The following KCNIP1 variants were observed in gnomAD, a reference collection of about 807,000 sequenced individuals.
The protein encoded by KCNIP1 is A-type potassium channel modulatory protein KCNIP1.
Under a neutral mutation model 33.0 loss-of-function variants are expected in KCNIP1, and 18 were observed. That is an observed-to-expected ratio of 0.55 (90% CI 0.38 to 0.81). The LOEUF is 0.81. Ranked by LOEUF, KCNIP1 falls within the 30% of genes least tolerant of loss-of-function variation. The probability of loss-of-function intolerance (pLI) is 0.00; values close to 1 mark genes in which losing one functional copy is unlikely to be tolerated. For missense variants in KCNIP1, 238 were observed against 271.6 expected, an observed-to-expected ratio of 0.88 and a Z score of 0.87; for synonymous variants, 93 against 98.3, an observed-to-expected ratio of 0.95 and a Z score of 0.32.
intron 1 of KCNIP1, among the ~76,000 whole-genome samples, chr5:170,419,692 T>C (rs1274277903): frequency 6.6e-6 from 1 of 152,206 alleles, no homozygotes; most frequent in Non-Finnish European, 1.5e-5. Flanking sequence ...GTATAATTCA[T>C]TGCTTTAACT....
chr5:170,687,169 A>T (rs753885608), intron 1 of KCNIP1, among the ~76,000 whole-genome samples: 8 of 150,322 alleles, frequency 5.3e-5, no homozygotes, highest in Non-Finnish European at 1.0e-4. Context: ...TTTTATGTGT[A>T]AAAAAACCTG....
At chr5:170,393,736 A>G (rs1244317461) in intron 1 of KCNIP1, among the ~76,000 whole-genome samples, 7 of 152,144 alleles carry the variant, frequency 4.6e-5, no homozygotes, top group African/African-American at 1.2e-4. Flanking sequence ...AAACATGGTA[A>G]AGTTGTTCCC....
At position 170,718,750 on chromosome 5, in the gene KCNIP1, G is replaced by A; in HGVS notation, c.62-8G>A. On this transcript the variant is annotated splice_polypyrimidine_tract_variant and splice_region_variant and intron_variant, in intron 1 of 7. Transcript: ENST00000328939. ...CAACCATTCCAATGCCATCTCCTCTGGTTCCAGATAAGATTGAAGATGAGC... is the reference window on the plus strand; with the variant it reads ...CAACCATTCCAATGCCATCTCCTCTAGTTCCAGATAAGATTGAAGATGAGC... 1 of 1,613,524 alleles carries A rather than the reference G, an allele frequency of 6.2e-7. No individual in the cohort carries two copies. Among genetic ancestry groups the A allele is most frequent in the Non-Finnish European group, 8.5e-7 (1 of 1,179,750 alleles).
At chr5:170,546,133 TG>T (rs1756399891) in intron 1 of KCNIP1, among the ~76,000 whole-genome samples, 2 of 152,258 alleles carry the variant, frequency 1.3e-5, no homozygotes, top group African/African-American at 4.8e-5. Flanking sequence ...TGGCTTTGGC[TG>T]GGAGCCTAGC....
chr5:170,443,366 C>G (rs1200506762), intron 1 of KCNIP1, among the ~76,000 whole-genome samples: 1 of 151,882 alleles, frequency 6.6e-6, no homozygotes, highest in Non-Finnish European at 1.5e-5. Context: ...ACCAAATCAA[C>G]CTTGGGAAAA....
intron 1 of KCNIP1, among the ~76,000 whole-genome samples, chr5:170,533,295 T>A (rs1321288364): frequency 6.6e-6 from 1 of 152,192 alleles, no homozygotes. Flanking sequence ...ATTCCCCGCC[T>A]GGGCATAGTG....
At chr5:170,597,093 C>T (rs747778153) in intron 1 of KCNIP1, among the ~76,000 whole-genome samples, 1 of 152,196 alleles carries the variant, frequency 6.6e-6, no homozygotes, top group Non-Finnish European at 1.5e-5. Flanking sequence ...CCCAGCTGAT[C>T]CGGCTCCAGC....
chr5:170,628,563 G>A (rs895768108), intron 1 of KCNIP1, among the ~76,000 whole-genome samples: 1 of 152,114 alleles, frequency 6.6e-6, no homozygotes, highest in African/African-American at 2.4e-5. Context: ...TAGGAACACT[G>A]GTTTGGGGAA....
intron 1 of KCNIP1, among the ~76,000 whole-genome samples, chr5:170,491,960 CTCTT>C (rs1359282194): frequency 6.6e-6 from 1 of 152,196 alleles, no homozygotes; most frequent in African/African-American, 2.4e-5. Flanking sequence ...TCTGGGGAGA[CTCTT>C]TCTGAGTTTT....
At chr5:170,545,548 T>G (rs34139918) in intron 1 of KCNIP1, among the ~76,000 whole-genome samples, 30,264 of 152,114 alleles carry the variant, frequency 0.2, 4,234 homozygotes, top group African/African-American at 0.4. Flanking sequence ...CTCATACTGT[T>G]GTCTTTTAAT....
intron 1 of KCNIP1, among the ~76,000 whole-genome samples, chr5:170,550,833 G>C (rs558091432): frequency 3.3e-5 from 5 of 152,216 alleles, no homozygotes; most frequent in Non-Finnish European, 7.3e-5. Flanking sequence ...TGATGATAGA[G>C]TTTAATCTGC....
chr5:170,395,000 G>C (rs3860757), intron 1 of KCNIP1, among the ~76,000 whole-genome samples: 41,832 of 152,130 alleles, frequency 0.27, 6,483 homozygotes, highest in African/African-American at 0.43. Context: ...ATCTGCTGTT[G>C]TTGGGCACCA....
exon 1 of KCNIP1, chr5:170,353,564 G>T (rs369794612): frequency 1.3e-5 from 6 of 459,862 alleles, no homozygotes; most frequent in African/African-American, 3.9e-5. Context: ...CTCCTCCTCG[G>T]TTCCCTTGGA....
intron 1 of KCNIP1, among the ~76,000 whole-genome samples, chr5:170,497,611 C>T (rs1757334003): frequency 6.6e-6 from 1 of 152,222 alleles, no homozygotes. Context: ...ATCCATCTAA[C>T]CACCCGTCCC....
At chr5:170,456,278 G>A (rs1174172040) in intron 1 of KCNIP1, among the ~76,000 whole-genome samples, 1 of 152,030 alleles carries the variant, frequency 6.6e-6, no homozygotes, top group Non-Finnish European at 1.5e-5. Flanking sequence ...ATGGACACAG[G>A]GAGGGGAACA....
chr5:170,374,570 T>C (rs897295793), intron 1 of KCNIP1: 6 of 152,184 alleles, frequency 3.9e-5, no homozygotes, highest in African/African-American at 1.4e-4. Flanking sequence ...TTGTCTGAGT[T>C]CTGGAGGACG....
At chr5:170,369,650 G>T (rs1045297329) in intron 1 of KCNIP1, among the ~76,000 whole-genome samples, 3 of 152,240 alleles carry the variant, frequency 2.0e-5, no homozygotes, top group Admixed American at 2.0e-4. Flanking sequence ...GTACTTTAAA[G>T]AAAACTCTTC....
At chr5:170,713,736 G>A (rs185549859) in intron 1 of KCNIP1, among the ~76,000 whole-genome samples, 1 of 152,234 alleles carries the variant, frequency 6.6e-6, no homozygotes, top group East Asian at 1.9e-4. Context: ...AAAGCTAGAC[G>A]GATGGCCGGG....
At chr5:170,385,874 C>T (rs147852013) in intron 1 of KCNIP1, among the ~76,000 whole-genome samples, 2 of 151,990 alleles carry the variant, frequency 1.3e-5, no homozygotes, top group East Asian at 3.9e-4. Context: ...AATCCCAGCA[C>T]TTTCGGAGAC....
Sources: allele counts gnomAD v4.1 joint callset (sites outside exome capture counted in the v4.1 genomes callset), GRCh38; gene constraint gnomAD v4.1.1; transcripts MANE v1.5; gene names NCBI Gene and HGNC (gene_info 2026-07-23, HGNC 2026-07-21).